Variants in SUMF1 observed in about 807,000 individuals in gnomAD.
The protein encoded by SUMF1 is formylglycine-generating enzyme.
In SUMF1, 48 loss-of-function variants were observed where a neutral mutation model predicts 47.6. The observed-to-expected ratio is 1.01, with a 90% CI of 0.80 to 1.28. SUMF1 has a LOEUF of 1.28. Ranked by LOEUF, SUMF1 falls within the 50% of genes most tolerant of loss-of-function variation. SUMF1 has a pLI of 0.00. For missense variants in SUMF1, 571 were observed against 485.4 expected, an observed-to-expected ratio of 1.18 and a Z score of -1.66; for synonymous variants, 230 against 192.1, an observed-to-expected ratio of 1.20 and a Z score of -1.63.
chr3:4,404,919 T>C lies in SUMF1; in HGVS notation c.954+5946A>G, dbSNP rs116175450. ...ATGAGGCTGTTGATGGGACCATCAA[T>C]GGGTATGAAAGTCTTAACTAAGGAG... On this transcript the variant is annotated intron_variant, in intron 7 of 8. Coordinates refer to ENST00000272902, the MANE Select transcript of SUMF1 (RefSeq NM_182760.4). Among the ~76,000 whole-genome samples, 1,502 of 152,244 alleles carry C rather than the reference T, an allele frequency of 9.9e-3. 18 individuals are homozygous for C. The highest frequency in any genetic ancestry group is 0.032 in the African/African-American group (1,340 of 41,544).
At chr3:4,132,043 G>T (rs185555060) in intron 8 of SUMF1, among the ~76,000 whole-genome samples, 3 of 152,246 alleles carry the variant, frequency 2.0e-5, no homozygotes, top group Non-Finnish European at 2.9e-5. Context: ...ATTCCTCAGG[G>T]TGATCAGCCA....
At chr3:4,095,266 A>G (rs1692876992) in intron 8 of SUMF1, among the ~76,000 whole-genome samples, 1 of 152,168 alleles carries the variant, frequency 6.6e-6, no homozygotes, top group South Asian at 2.1e-4. Flanking sequence ...AACTCTGACC[A>G]TAGGGCACCA....
intron 9 of SUMF1, among the ~76,000 whole-genome samples, chr3:4,038,297 G>A (rs1015283324): frequency 1.3e-5 from 2 of 152,162 alleles, no homozygotes; most frequent in African/African-American, 4.8e-5. Flanking sequence ...GTGGGCCCAA[G>A]GCAGGGGTTC....
intron 7 of SUMF1, among the ~76,000 whole-genome samples, chr3:4,403,094 C>A (rs1357359176): frequency 2.0e-5 from 3 of 152,200 alleles, no homozygotes; most frequent in Non-Finnish European, 4.4e-5. Context: ...ATGCTATCTG[C>A]CAAACATGGT....
At chr3:4,303,092 C>A (rs1199389921) in intron 8 of SUMF1, among the ~76,000 whole-genome samples, 1 of 152,180 alleles carries the variant, frequency 6.6e-6, no homozygotes, top group Non-Finnish European at 1.5e-5. Flanking sequence ...GACCTCACCT[C>A]GAAAGCCCCC....
intron 8 of SUMF1, among the ~76,000 whole-genome samples, chr3:4,273,142 A>G (rs980654325): frequency 6.7e-6 from 1 of 150,228 alleles, no homozygotes; most frequent in Admixed American, 6.7e-5. Flanking sequence ...ATATATATAG[A>G]ATTTACCATA....
At chr3:4,235,439 C>T (rs1696386370) in intron 8 of SUMF1, among the ~76,000 whole-genome samples, 2 of 151,924 alleles carry the variant, frequency 1.3e-5, no homozygotes, top group South Asian at 2.1e-4. Context: ...ATATCAAAGG[C>T]AAAATCAAGT....
intron 8 of SUMF1, among the ~76,000 whole-genome samples, chr3:4,110,126 T>C (rs532113306): frequency 6.6e-6 from 1 of 152,290 alleles, no homozygotes; most frequent in African/African-American, 2.4e-5. Flanking sequence ...TTTCTGTTTG[T>C]TAGTTTTCCT....
At chr3:4,291,153 G>A (rs145052202) in intron 8 of SUMF1, among the ~76,000 whole-genome samples, 28 of 152,186 alleles carry the variant, frequency 1.8e-4, no homozygotes, top group Admixed American at 1.8e-3. Flanking sequence ...CTCTATCATG[G>A]TGCACTGCAA....
chr3:4,226,783 ACTT>A (rs1238489193), intron 8 of SUMF1, among the ~76,000 whole-genome samples: 1 of 152,024 alleles, frequency 6.6e-6, no homozygotes, highest in Non-Finnish European at 1.5e-5. Flanking sequence ...CTACTGCCTC[ACTT>A]CAAATCAAAA....
chr3:4,204,986 G>A (rs1409807865), intron 8 of SUMF1, among the ~76,000 whole-genome samples: 8 of 152,160 alleles, frequency 5.3e-5, no homozygotes, highest in Middle Eastern at 3.4e-3. Flanking sequence ...GGTCATTTGT[G>A]CCTTATTTAG....
intron 8 of SUMF1, among the ~76,000 whole-genome samples, chr3:4,375,867 A>C (rs1700310907): frequency 6.6e-6 from 1 of 152,212 alleles, no homozygotes; most frequent in Non-Finnish European, 1.5e-5. Flanking sequence ...AATGATGCTT[A>C]TTTCACAAGG....
chr3:4,207,174 T>C (rs1410171677), intron 8 of SUMF1, among the ~76,000 whole-genome samples: 1 of 152,194 alleles, frequency 6.6e-6, no homozygotes, highest in African/African-American at 2.4e-5. Flanking sequence ...GAAATACAAT[T>C]GATTTTTGTA....
chr3:4,402,048 C>T (rs147644349), intron 7 of SUMF1, among the ~76,000 whole-genome samples: 3 of 152,232 alleles, frequency 2.0e-5, no homozygotes, highest in African/African-American at 4.8e-5. Context: ...GAAAGAAGTG[C>T]GCACACACAC....
intron 8 of SUMF1, among the ~76,000 whole-genome samples, chr3:4,299,811 A>G (rs894137454): frequency 6.6e-6 from 1 of 152,216 alleles, no homozygotes; most frequent in East Asian, 1.9e-4. Flanking sequence ...CTCCACCTCA[A>G]AAAATAAAAA....
intron 8 of SUMF1, among the ~76,000 whole-genome samples, chr3:4,188,110 G>A (rs1695240692): frequency 6.6e-6 from 1 of 151,472 alleles, no homozygotes; most frequent in South Asian, 2.1e-4. Context: ...AGTAGCACAT[G>A]TGTACAACTG....
At chr3:4,267,571 C>T (rs112928497) in intron 8 of SUMF1, among the ~76,000 whole-genome samples, 2,447 of 151,846 alleles carry the variant, frequency 0.016, 70 homozygotes, top group African/African-American at 0.056. Flanking sequence ...CGGTGGTGGG[C>T]GAAGGACATG....
rs146613730 is a variant in SUMF1, at chr3:4,212,904, G to A, written c.1015-144159C>T. The stretch of plus-strand genomic sequence containing the variant: ...ACAAACAAAGCCTCCAAGAAATATG[G>A]GACTATGTGTAAAGACCAAACCTGT... On this transcript the variant is annotated intron_variant and NMD_transcript_variant, in intron 8 of 12. Coordinates refer to the SUMF1 transcript ENST00000448413. Among the ~76,000 whole-genome samples, 266 of 152,158 alleles carry A rather than the reference G, an allele frequency of 1.7e-3. 2 individuals carry two copies. The highest frequency in any genetic ancestry group is 3.4e-3 in the Middle Eastern group (1 of 294).
At chr3:4,457,698 A>G (rs1251289147) in intron 1 of SUMF1, among the ~76,000 whole-genome samples, 1 of 152,236 alleles carries the variant, frequency 6.6e-6, no homozygotes, top group African/African-American at 2.4e-5. Context: ...ATGTAGAAGA[A>G]TGAAATTAGA....
Sources: allele counts gnomAD v4.1 joint callset (sites outside exome capture counted in the v4.1 genomes callset), GRCh38; gene constraint gnomAD v4.1.1; transcripts MANE v1.5; gene names NCBI Gene and HGNC (gene_info 2026-07-23, HGNC 2026-07-21).